Variants in ZNF257 observed in about 807,000 individuals in gnomAD.
The protein encoded by ZNF257 is zinc finger protein 257.
ZNF257 carries 12 observed loss-of-function variants against 11.9 expected under a neutral mutation model. That is an observed-to-expected ratio of 1.01 (90% CI 0.65 to 1.63). The LOEUF is 1.63. ZNF257 is among the 40% of genes most tolerant of loss of function. ZNF257 has a pLI of 0.00. For missense variants in ZNF257, 580 were observed against 665.5 expected, an observed-to-expected ratio of 0.87 and a Z score of 1.41; for synonymous variants, 183 against 222.7, an observed-to-expected ratio of 0.82 and a Z score of 1.59.
intron 1 of ZNF257, among the ~76,000 whole-genome samples, chr19:22,053,366 CAAAAAA>C (rs61426953): frequency 0.015 from 1,143 of 76,456 alleles, 13 homozygotes; most frequent in African/African-American, 0.039. Flanking sequence ...GACTCCGTCT[CAAAAAA>C]AAAAAAAAAA....
In ZNF257 at chr19:22,089,361, T is replaced by G. The variant is rs2022573189; in HGVS notation, c.1611T>G (p.His537Gln). ...FSYLTVHKRI[H>Q]AGENPNKYEE... is the part of the protein sequence containing the mutation. Reference sequence around the variant, plus strand: ...ACCTTACCGTACATAAGAGAATTCATGCTGGAGAGAACCCCAACAAATATG... The same window carrying G: ...ACCTTACCGTACATAAGAGAATTCAGGCTGGAGAGAACCCCAACAAATATG... Residue 537 changes from histidine (H) to glutamine (Q), a missense_variant, in exon 4 of 4, where the codon CAT becomes CAG. Transcript: ENST00000594947. 2 of 1,613,472 alleles carry G rather than the reference T, an allele frequency of 1.2e-6. No homozygotes were observed. Among genetic ancestry groups the G allele is most frequent in the East Asian group, 4.5e-5 (2 of 44,876 alleles).
chr19:22,083,222 C>G (rs956632712), intron 3 of ZNF257, among the ~76,000 whole-genome samples: 5 of 152,212 alleles, frequency 3.3e-5, no homozygotes, highest in Middle Eastern at 3.4e-3. Context: ...GTAATCCCAG[C>G]AGTTTGGGAG....
rs751949600 is a variant in ZNF257 at position 22,088,916 on chromosome 19, A to T, written c.1166A>T (p.Lys389Ile). The T allele has an allele frequency of 6.2e-7, 1 of 1,611,714 alleles. No homozygotes were observed. The highest frequency in any genetic ancestry group is 1.3e-5 in the African/African-American group (1 of 74,368). ...KAFNRSSHLTKHKRIHTREKA... is the reference protein window; with the variant it reads ...KAFNRSSHLTIHKRIHTREKA... Reference sequence around the variant, plus strand: ...TTTAACCGGTCTTCACACCTTACTAAACATAAGAGAATTCATACTAGAGAG... The same window carrying T: ...TTTAACCGGTCTTCACACCTTACTATACATAAGAGAATTCATACTAGAGAG... Residue 389 changes from lysine to isoleucine, a missense_variant, in exon 4 of 4, where the codon AAA becomes ATA. Physicochemically the swap from Lys to Ile is moderately radical, Grantham distance 102. Transcript: ENST00000594947.
intron 3 of ZNF257, among the ~76,000 whole-genome samples, chr19:22,077,789 G>A (rs888150817): frequency 6.6e-6 from 1 of 152,208 alleles, no homozygotes; most frequent in East Asian, 1.9e-4. Context: ...TCATAAATGA[G>A]ATTGCTGTAT....
intron 1 of ZNF257, among the ~76,000 whole-genome samples, chr19:22,062,690 C>G (rs1207595609): frequency 6.6e-6 from 1 of 152,054 alleles, no homozygotes; most frequent in Non-Finnish European, 1.5e-5. Context: ...CCATGTTGGT[C>G]AGGCTGGTCT....
intron 1 of ZNF257, among the ~76,000 whole-genome samples, chr19:22,062,001 TG>T (rs780638347): frequency 3.3e-5 from 5 of 152,016 alleles, no homozygotes; most frequent in Non-Finnish European, 7.4e-5. Context: ...TTGATTATAG[TG>T]GATTAGCTTT....
rs201494201 is a variant in ZNF257 at position 22,089,013 on chromosome 19, T to C, written c.1263T>C (p.His421=). 108 of 1,613,486 alleles carry C rather than the reference T, an allele frequency of 6.7e-5. No homozygotes were observed. The highest frequency in any genetic ancestry group is 1.2e-5 in the Non-Finnish European group (14 of 1,179,820). Residue 421 remains histidine (H), a synonymous_variant, in exon 4 of 4, where the codon CAT becomes CAC. Transcript: ENST00000594947. ...WSSALTTLTQ[H]KIIHTGEKPY... ...CAGCTCTTACTACCCTTACTCAGCA[T>C]AAGATAATTCATACTGGAGAGAAAC...
At chr19:22,073,633 A>T in intron 3 of ZNF257, 69 bp downstream of exon 3, 2 of 1,524,772 alleles carry the variant, frequency 1.3e-6, no homozygotes, top group Non-Finnish European at 1.8e-6. Context: ...GGAGAAAGCA[A>T]GTCCTTAAAA....
At chr19:22,069,643 G>A (rs966077756) in intron 1 of ZNF257, among the ~76,000 whole-genome samples, 10 of 6,820 alleles carry the variant, frequency 1.5e-3, no homozygotes, top group African/African-American at 4.7e-3. Context: ...AAACAATATT[G>A]TTGTGACTTC....
Position 22,089,456 on chromosome 19 carries a change from T to C in ZNF257, c.*14T>C. The C allele has an allele frequency of 6.3e-7, 1 of 1,597,474 alleles. No homozygotes were observed. The highest frequency in any genetic ancestry group is 8.5e-7 in the Non-Finnish European group (1 of 1,171,916). On this transcript the variant is annotated 3_prime_UTR_variant, in exon 4 of 4. Transcript: ENST00000594947. ...CATAATTCATAATGGAGAAAAACCC[T>C]ACAAATGTGAAGAATGTGTCAAAGC... is the stretch of plus-strand genomic sequence containing the variant.
At chr19:22,072,295 G>T (rs2022121697) in intron 1 of ZNF257, among the ~76,000 whole-genome samples, 2 of 151,968 alleles carry the variant, frequency 1.3e-5, no homozygotes, top group African/African-American at 4.8e-5. Flanking sequence ...ATTTTATCTG[G>T]TAGCTGCCCC....
chr19:22,066,223 C>T (rs1016013879), intron 1 of ZNF257: 1 of 153,022 alleles, frequency 6.5e-6, no homozygotes, highest in East Asian at 1.9e-4. Flanking sequence ...ACAGGGATGA[C>T]TCTTGGAGTG....
chr19:22,066,982 A>G (rs1307218940), intron 1 of ZNF257, among the ~76,000 whole-genome samples: 1 of 151,764 alleles, frequency 6.6e-6, no homozygotes, highest in Non-Finnish European at 1.5e-5. Flanking sequence ...TTCGTTATAT[A>G]TTCCAGACAC....
chr19:22,062,971 C>T (rs1341784668), intron 1 of ZNF257, among the ~76,000 whole-genome samples: 1 of 152,046 alleles, frequency 6.6e-6, no homozygotes, highest in African/African-American at 2.4e-5. Flanking sequence ...TTCTCTGGTC[C>T]TCAGAACTTT....
chr19:22,085,129 T>C (rs145107436), intron 3 of ZNF257, among the ~76,000 whole-genome samples: 1 of 152,094 alleles, frequency 6.6e-6, no homozygotes, highest in African/African-American at 2.4e-5. Flanking sequence ...TTCTGCTCAC[T>C]GCAACCTCCG....
intron 1 of ZNF257, among the ~76,000 whole-genome samples, chr19:22,068,288 T>G (rs1005613144): frequency 2.0e-5 from 3 of 151,968 alleles, no homozygotes; most frequent in Non-Finnish European, 4.4e-5. Flanking sequence ...ACTGTCTACT[T>G]ATATCTGTGT....
intron 3 of ZNF257, chr19:22,075,258 G>A (rs2022200880): frequency 6.1e-6 from 1 of 164,768 alleles, no homozygotes; most frequent in Non-Finnish European, 1.3e-5. Flanking sequence ...ACTAGGGCAG[G>A]TTTTTGCAGT....
chr19:22,073,475 C>T lies in ZNF257; in HGVS notation c.137C>T (p.Ala46Val). 6.2e-7 allele frequency: 1 copy of T among 1,605,442 alleles called. No individual in the cohort carries two copies. The highest frequency in any genetic ancestry group is 1.1e-5 in the South Asian group (1 of 89,342). Residue 46 changes from alanine (A) to valine (V), a missense_variant, in exon 3 of 4, where the codon GCT becomes GTT. Coordinates refer to ENST00000594947, the MANE Select transcript of ZNF257 (RefSeq NM_033468.4). ...NYRNLVFLGI[A>V]VSKPDLITCL... ...ACTTATTTTTAAAAAACAGGTATTG[C>T]TGTCTCTAAGCCAGACCTGATCACC...
chr19:22,089,389 G>C lies in ZNF257; in HGVS notation c.1639G>C (p.Glu547Gln), dbSNP rs1173142653. 6.2e-7 allele frequency: 1 copy of C among 1,612,596 alleles called. No individual in the cohort carries two copies. The highest frequency in any genetic ancestry group is 8.5e-7 in the Non-Finnish European group (1 of 1,179,352). The change falls in exon 4 of 4, where the codon GAA becomes CAA. Residue 547 changes from glutamate (E) to glutamine (Q), a missense_variant. Coordinates refer to ENST00000594947, the MANE Select transcript of ZNF257 (RefSeq NM_033468.4). The part of the protein sequence containing the change: ...HAGENPNKYE[E>Q]CGKACNHSSN... ...TGGAGAGAACCCCAACAAATATGAA[G>C]AATGTGGCAAAGCTTGTAACCATTC...
Sources: gnomAD v4.1 joint callset for allele counts (sites outside exome capture counted in the v4.1 genomes callset) on GRCh38, gnomAD v4.1.1 for gene constraint, MANE v1.5 for transcripts, NCBI Gene and HGNC (gene_info 2026-07-23, HGNC 2026-07-21) for gene names.